Variants in ZDHHC24 observed in about 807,000 individuals in gnomAD.
The protein encoded by ZDHHC24 is probable palmitoyltransferase ZDHHC24.
In ZDHHC24, 17 loss-of-function variants were observed where a neutral mutation model predicts 23.2. The observed-to-expected ratio is 0.73, with a 90% CI of 0.50 to 1.10. The LOEUF is 1.10. ZDHHC24 is among the 50% of genes least tolerant of loss of function. ZDHHC24 has a pLI of 0.00. For synonymous variants in ZDHHC24, 186 were observed against 194.5 expected (o/e 0.96, Z 0.36); for missense variants, 366 against 393.0 (o/e 0.93, Z 0.58).
Position 66,539,398 on chromosome 11 carries a change from G to A in ZDHHC24, c.*131C>T. On this transcript the variant is annotated 3_prime_UTR_variant, in exon 3 of 3. Coordinates refer to ENST00000310442, the MANE Select transcript of ZDHHC24 (RefSeq NM_207340.3). ...ACACGTAGGAGTGTAGGCGGGCAGGGGCAAGGCCAAGGAAGGGGTGGAGTT... is the reference window on the plus strand; with the variant it reads ...ACACGTAGGAGTGTAGGCGGGCAGGAGCAAGGCCAAGGAAGGGGTGGAGTT... The A allele has an allele frequency of 7.3e-7, 1 of 1,378,354 alleles. No homozygotes were observed. The highest frequency in any genetic ancestry group is 1.8e-5 in the South Asian group (1 of 56,870). The allele number at this position is 1,378,354 out of a possible 1,614,324, so 85.4% of individuals were successfully genotyped here.
Position 66,539,488 on chromosome 11 carries a change from C to G in ZDHHC24, c.*41G>C. The G allele has an allele frequency of 6.7e-7, 1 of 1,492,634 alleles. No individual in the cohort carries two copies. The highest frequency in any genetic ancestry group is 8.9e-7 in the Non-Finnish European group (1 of 1,123,034). 92.5% of individuals were successfully genotyped at this position (1,492,634 alleles called of 1,614,324 possible). On this transcript the variant is annotated 3_prime_UTR_variant, in exon 3 of 3. Coordinates refer to ENST00000310442, the MANE Select transcript of ZDHHC24 (RefSeq NM_207340.3). ...TGAGTCTAGGTGTGGGGGCCCCCCT[C>G]TCACCCCTTCCTCCCTGCACAGCTC...
Position 66,546,013 on chromosome 11 carries a change from A to G in ZDHHC24, c.-10T>C, listed in dbSNP as rs1857318341. On this transcript the variant is annotated 5_prime_UTR_variant, in exon 1 of 3. Transcript: ENST00000310442. Reference sequence around the variant, plus strand: ...CCCAGGGCTGCCCCATGGCCTGGACACCCAGCTGTCGGAGCCGGAGGACTA... The same window carrying G: ...CCCAGGGCTGCCCCATGGCCTGGACGCCCAGCTGTCGGAGCCGGAGGACTA... 7.2e-7 allele frequency: 1 copy of G among 1,384,306 alleles called. No individual in the cohort carries two copies. Among genetic ancestry groups the G allele is most frequent in the East Asian group, 2.9e-5 (1 of 34,214 alleles). The allele number at this position is 1,384,306 out of a possible 1,614,324, so 85.8% of individuals were successfully genotyped here.
Position 66,539,270 on chromosome 11 carries a change from TC to T in ZDHHC24, c.*258del. 8.3e-7 allele frequency: 1 copy of T among 1,210,254 alleles called. No homozygotes were observed. Among genetic ancestry groups the T allele is most frequent in the African/African-American group, 1.6e-5 (1 of 64,030 alleles). 75.0% of individuals were successfully genotyped at this position (1,210,254 alleles called of 1,614,324 possible). ...AGATGGAGGGAGGCTGAGAAACAAG[TC>T]AGTGCTTTATTAACCTGGCAAAGGG... On this transcript the variant is annotated 3_prime_UTR_variant, in exon 3 of 3. Coordinates refer to ENST00000310442, the MANE Select transcript of ZDHHC24 (RefSeq NM_207340.3).
In ZDHHC24 at chr11:66,536,821, C is replaced by A. The variant is rs1856982832; in HGVS notation, c.*2708G>T. ...CCCGGGAGGCGGAGGTTTCGGTGAA[C>A]CAAGATCGCATCATTGCACTCCAGC... On this transcript the variant is annotated 3_prime_UTR_variant, in exon 3 of 3. Coordinates refer to ENST00000310442, the MANE Select transcript of ZDHHC24 (RefSeq NM_207340.3). The A allele has an allele frequency of 6.6e-6, 1 of 151,664 alleles. No individual in the cohort carries two copies. Among genetic ancestry groups the A allele is most frequent in the African/African-American group, 2.4e-5 (1 of 41,332 alleles). The allele number at this position is 151,664 out of a possible 1,614,324, so 9.4% of individuals were successfully genotyped here. A position where few individuals can be genotyped will look rare whatever the true frequency, so the allele number is the denominator to read the frequency against.
Position 66,545,890 on chromosome 11 carries a change from C to T in ZDHHC24, c.114G>A (p.Val38=). Residue 38 remains valine, a synonymous_variant, in exon 1 of 3, where the codon GTG becomes GTA. Coordinates refer to ENST00000310442, the MANE Select transcript of ZDHHC24 (RefSeq NM_207340.3). This position sits in a 1 kb window ranked among gnomAD's most constrained non-coding sequence, Gnocchi z 4.5. The stretch of plus-strand genomic sequence containing the variant: ...CCAGCGGCGGCGGCCCGGGACCGAG[C>T]ACCAGCACGTAAGCCAGCTCCAGGC... The part of the protein sequence containing the change: ...AVGLELAYVL[V]LGPGPPPLGP... 6.5e-7 allele frequency: 1 copy of T among 1,543,584 alleles called. No individual in the cohort carries two copies. Among genetic ancestry groups the T allele is most frequent in the Admixed American group, 1.9e-5 (1 of 52,790 alleles).
rs748731020 is a variant in ZDHHC24, at chr11:66,539,774, C to T, written c.610G>A (p.Val204Met). ...GCCCCGCACAGCAGCGCACCCGCCA[C>T]GCACGTGTCCGTCACGAAGGCCAAG... ...FALAFVTDTC[V>M]AGALLCGAGL... is the part of the protein sequence containing the mutation. Residue 204 changes from valine to methionine, a missense_variant, in exon 3 of 3, where the codon GTG becomes ATG. Transcript: ENST00000310442. 9.9e-6 allele frequency: 16 copies of T among 1,612,094 alleles called. No homozygotes were observed. In the East Asian group the frequency reaches 1.1e-4, roughly 11 times the overall value.
At chr11:66,530,887 T>C (rs754456747), downstream of ZDHHC24, 2 of 1,614,058 alleles carry the variant, frequency 1.2e-6, no homozygotes, top group Admixed American at 1.7e-5. Flanking sequence ...ACCCACCCTC[T>C]CCATAGGTTC....
At position 66,545,719 on chromosome 11, in the gene ZDHHC24, T is replaced by C; in HGVS notation, c.281+4A>G. ...CTCCCCGCCCGATCCCGCACCCCAC[T>C]CACGCCCAGCCCTGGCCCAGACCGC... On this transcript the variant is annotated splice_donor_region_variant and intron_variant, in intron 1 of 2. Coordinates refer to ENST00000310442, the MANE Select transcript of ZDHHC24 (RefSeq NM_207340.3). This position sits in a 1 kb window ranked among gnomAD's most constrained non-coding sequence, Gnocchi z 4.5. The C allele has an allele frequency of 6.5e-7, 1 of 1,539,676 alleles. No individual in the cohort carries two copies. The highest frequency in any genetic ancestry group is 2.5e-5 in the East Asian group (1 of 40,252).
At chr11:66,529,685 G>C (rs1451240548) in intron 2 of ZDHHC24, 3 of 1,154,270 alleles carry the variant, frequency 2.6e-6, no homozygotes, top group Non-Finnish European at 3.8e-6. Context: ...CTCCTCCCCA[G>C]CTCCTGCAGA....
chr11:66,534,329 G>C (rs1856892091), downstream of ZDHHC24, among the ~76,000 whole-genome samples: 1 of 151,292 alleles, frequency 6.6e-6, no homozygotes. Context: ...TGTAATCCCA[G>C]CTACTTGGAA....
downstream of ZDHHC24, among the ~76,000 whole-genome samples, chr11:66,534,411 A>C (rs900180769): frequency 4.4e-5 from 6 of 136,836 alleles, no homozygotes; most frequent in African/African-American, 1.7e-4. Context: ...CCACTACACC[A>C]CTCTAGCCTG....
At chr11:66,535,252 C>T (rs1046970871), downstream of ZDHHC24, among the ~76,000 whole-genome samples, 2 of 152,008 alleles carry the variant, frequency 1.3e-5, no homozygotes, top group East Asian at 1.9e-4. Context: ...TCTTGTCACC[C>T]AGGCTGGAGT....
At chr11:66,531,549 C>T, downstream of ZDHHC24, 2 of 1,455,382 alleles carry the variant, frequency 1.4e-6, no homozygotes, top group Non-Finnish European at 1.9e-6. Flanking sequence ...CCTGCCCACC[C>T]TGCAGGGGTG....
intron 3 of ZDHHC24, chr11:66,527,520 T>G (rs1390458706): frequency 1.7e-5 from 3 of 176,934 alleles, no homozygotes; most frequent in Non-Finnish European, 3.6e-5. Flanking sequence ...AATACAAACA[T>G]TAGCCAGGCG....
intron 4 of ZDHHC24, chr11:66,526,017 C>A: frequency 1.0e-6 from 1 of 959,552 alleles, no homozygotes; most frequent in Non-Finnish European, 1.7e-6. Flanking sequence ...CCAGGCCTGT[C>A]TCTATCACTT....
intron 4 of ZDHHC24, chr11:66,523,970 A>G (rs1396434686): frequency 6.4e-6 from 10 of 1,560,958 alleles, no homozygotes; most frequent in Non-Finnish European, 7.9e-6. Context: ...CCGACCACAC[A>G]TTGATGCATT....
At chr11:66,528,659 C>A (rs768864748) in intron 3 of ZDHHC24, among the ~76,000 whole-genome samples, 6 of 152,082 alleles carry the variant, frequency 3.9e-5, no homozygotes, top group African/African-American at 7.2e-5. Flanking sequence ...GGACAACTTG[C>A]TTCTAGAAAA....
At position 66,543,795 on chromosome 11, in the gene ZDHHC24, C is replaced by T; in HGVS notation, c.468G>A (p.Leu156=). The change falls in exon 2 of 3, where the codon CTG becomes CTA. Residue 156 remains leucine (L), a synonymous_variant. Transcript: ENST00000310442. ...AAGVLLHVSV[L]LGPALSALLR... is the part of the protein sequence containing the mutation. ...GCAGGGCCGACAGTGCAGGGCCCAG[C>T]AGCACAGAGACGTGGAGCAGGACGC... The T allele has an allele frequency of 1.2e-6, 2 of 1,612,800 alleles. No individual in the cohort carries two copies. Among genetic ancestry groups the T allele is most frequent in the Non-Finnish European group, 1.7e-6 (2 of 1,179,416 alleles).
rs766086615 is a variant in ZDHHC24, at chr11:66,543,727, A to T, written c.536T>A (p.Leu179His). The T allele has an allele frequency of 3.1e-6, 5 of 1,594,972 alleles. No individual in the cohort carries two copies. Among genetic ancestry groups the T allele is most frequent in the Non-Finnish European group, 4.3e-6 (5 of 1,171,100 alleles). ...ACCTGTGAGCAACATGAGCCAGGGA[A>T]GCAGGAGGAGGGCAGCCATGTGGAG... is the stretch of plus-strand genomic sequence containing the variant. ...TPLHMAALLL[L>H]PWLMLLTGRV... The change falls in exon 2 of 3, where the codon CTT becomes CAT. Residue 179 changes from leucine (L) to histidine (H), a missense_variant. Physicochemically the swap from Leu to His is moderately conservative, Grantham distance 99. Coordinates refer to ENST00000310442, the MANE Select transcript of ZDHHC24 (RefSeq NM_207340.3).
Sources: gnomAD v4.1 joint callset for allele counts (sites outside exome capture counted in the v4.1 genomes callset) on GRCh38, gnomAD v4.1.1 for gene constraint, Gnocchi (gnomAD v3.1) non-coding constraint, MANE v1.5 for transcripts, NCBI Gene and HGNC (gene_info 2026-07-23, HGNC 2026-07-21) for gene names.